ST8SIA6: variants seen among roughly 807,000 people sequenced by gnomAD.
The protein encoded by ST8SIA6 is alpha-2,8-sialyltransferase 8F.
In ST8SIA6, 39 loss-of-function variants were observed where a neutral mutation model predicts 33.6. That is an observed-to-expected ratio of 1.16 (90% CI 0.90 to 1.52). ST8SIA6 has a LOEUF of 1.52. Ranked by LOEUF, ST8SIA6 falls within the 40% of genes most tolerant of loss-of-function variation. The pLI, the probability that ST8SIA6 is intolerant of heterozygous loss-of-function variation, is 0.00. For synonymous variants in ST8SIA6, 172 were observed against 167.2 expected, an observed-to-expected ratio of 1.03 and a Z score of -0.22; for missense variants, 441 against 443.8, an observed-to-expected ratio of 0.99 and a Z score of 0.06.
chr10:17,347,706 C>T (rs777468337), intron 4 of ST8SIA6, among the ~76,000 whole-genome samples: 1 of 152,050 alleles, frequency 6.6e-6, no homozygotes, highest in African/African-American at 2.4e-5. Flanking sequence ...CCTGCCAAAG[C>T]GGGTGGATCA....
chr10:17,348,125 G>A (rs1420908474), intron 4 of ST8SIA6, among the ~76,000 whole-genome samples: 1 of 150,874 alleles, frequency 6.6e-6, no homozygotes, highest in Non-Finnish European at 1.5e-5. Context: ...TTCAATGTGT[G>A]AAGAAGAAAA....
intron 3 of ST8SIA6, among the ~76,000 whole-genome samples, chr10:17,378,620 CA>C (rs1445367821): frequency 1.3e-5 from 2 of 152,136 alleles, no homozygotes; most frequent in African/African-American, 4.8e-5. Flanking sequence ...GCATACCCAA[CA>C]AACAACAAAC....
chr10:17,378,908 T>C (rs61842119), intron 3 of ST8SIA6, among the ~76,000 whole-genome samples: 32,152 of 151,850 alleles, frequency 0.21, 3,633 homozygotes, highest in South Asian at 0.37. Flanking sequence ...GGGCGGATCA[T>C]GAGGTCAGGA....
intron 2 of ST8SIA6, among the ~76,000 whole-genome samples, chr10:17,402,799 T>C (rs1588891616): frequency 6.6e-6 from 1 of 151,996 alleles, no homozygotes; most frequent in African/African-American, 2.4e-5. Flanking sequence ...TGGGGAGGGA[T>C]AGCATTAGGA....
intron 2 of ST8SIA6, among the ~76,000 whole-genome samples, chr10:17,406,910 T>C (rs1221646221): frequency 6.7e-6 from 1 of 149,630 alleles, no homozygotes; most frequent in African/African-American, 2.4e-5. Flanking sequence ...TTCTCCCCCA[T>C]CAGCCTCCCA....
At chr10:17,437,333 T>C (rs1028591324) in intron 2 of ST8SIA6, among the ~76,000 whole-genome samples, 9 of 152,184 alleles carry the variant, frequency 5.9e-5, no homozygotes, top group African/African-American at 2.2e-4. Flanking sequence ...AATTTTATTT[T>C]ATTTTTTAAT....
chr10:17,325,870 A>C (rs1386279532), intron 6 of ST8SIA6, among the ~76,000 whole-genome samples: 2 of 152,178 alleles, frequency 1.3e-5, no homozygotes, highest in African/African-American at 4.8e-5. Flanking sequence ...CTGGGTTTTA[A>C]ATCAAAACTT....
chr10:17,346,186 T>C (rs11254540), intron 4 of ST8SIA6, among the ~76,000 whole-genome samples: 30,111 of 152,186 alleles, frequency 0.2, 3,171 homozygotes, highest in African/African-American at 0.26. Context: ...GTGGCAGCTC[T>C]AGCTGAATTC....
chr10:17,366,896 G>T (rs1026748168), intron 3 of ST8SIA6, among the ~76,000 whole-genome samples: 2 of 152,042 alleles, frequency 1.3e-5, no homozygotes, highest in Non-Finnish European at 2.9e-5. Context: ...AGAGAAAGAG[G>T]GTCCAACTAA....
intron 4 of ST8SIA6, among the ~76,000 whole-genome samples, chr10:17,333,702 T>TAG (rs1564404999): frequency 4.2e-4 from 12 of 28,608 alleles, no homozygotes; most frequent in South Asian, 9.5e-4. Flanking sequence ...TATATATATA[T>TAG]ATATATATAT....
rs947676766 is a variant in ST8SIA6, at chr10:17,448,694, C to A, written c.200+4865G>T. 5.9e-5 allele frequency among the ~76,000 whole-genome samples: 9 copies of A among 152,060 alleles called. No individual in the cohort carries two copies. The East Asian group carries it at 1.5e-3, about 26-fold the overall frequency. On this transcript the variant is annotated intron_variant, in intron 2 of 7. Transcript: ENST00000377602. ...GCAGTGGCACAATCTCGGCTCACTG[C>A]AAGCTCCGCCTCCTGGGTTCACTCC...
intron 3 of ST8SIA6, among the ~76,000 whole-genome samples, chr10:17,361,057 G>A (rs1849370420): frequency 6.6e-6 from 1 of 151,958 alleles, no homozygotes; most frequent in Non-Finnish European, 1.5e-5. Flanking sequence ...GCAAATAAAA[G>A]TAAAAAGAAT....
intron 3 of ST8SIA6, among the ~76,000 whole-genome samples, chr10:17,374,752 AAT>A (rs945167221): frequency 4.1e-5 from 5 of 123,302 alleles, no homozygotes; most frequent in Non-Finnish European, 5.1e-5. Context: ...ATAAATAATA[AAT>A]ATATATATAT....
At chr10:17,371,423 G>A (rs991308777) in intron 3 of ST8SIA6, among the ~76,000 whole-genome samples, 8 of 151,996 alleles carry the variant, frequency 5.3e-5, no homozygotes, top group African/African-American at 1.9e-4. Context: ...GAGAAATGAG[G>A]CCTGAGGATT....
intron 2 of ST8SIA6, among the ~76,000 whole-genome samples, chr10:17,448,010 G>A (rs1311993927): frequency 2.0e-5 from 3 of 151,948 alleles, no homozygotes; most frequent in African/African-American, 7.3e-5. Flanking sequence ...CATGTTGGCT[G>A]GGCTGGTCTC....
intron 4 of ST8SIA6, among the ~76,000 whole-genome samples, chr10:17,349,112 A>G (rs577060747): frequency 1.3e-5 from 2 of 152,204 alleles, no homozygotes; most frequent in African/African-American, 4.8e-5. Flanking sequence ...TAACCTAGAA[A>G]GTTGAAGTTT....
intron 3 of ST8SIA6, chr10:17,387,093 C>T (rs1008209388): frequency 4.6e-5 from 7 of 152,276 alleles, no homozygotes; most frequent in African/African-American, 1.7e-4. Flanking sequence ...CCACGTACGT[C>T]AGCCTCCCTG....
chr10:17,321,185 AG>A lies in ST8SIA6; in HGVS notation c.889del (p.Leu297TyrfsTer8). 1 of 1,614,144 alleles carries A rather than the reference AG, an allele frequency of 6.2e-7. No individual in the cohort carries two copies. Among genetic ancestry groups the A allele is most frequent in the South Asian group, 1.1e-5 (1 of 91,082 alleles). On this transcript the variant is annotated frameshift_variant, in exon 8 of 8. Coordinates refer to ENST00000377602, the MANE Select transcript of ST8SIA6 (RefSeq NM_001004470.3). LOFTEE classifies it high-confidence loss of function. ...LEESKARQKV[L>X]FFHPKYLKDL... Reference sequence around the variant, plus strand: ...TTTCAGGTACTTGGGATGGAAAAATAGAACCTTTTGTCTTGCTTTAGACTCT... The same window carrying A: ...TTTCAGGTACTTGGGATGGAAAAATAAACCTTTTGTCTTGCTTTAGACTCT...
chr10:17,384,653 G>T (rs1418107654), intron 3 of ST8SIA6, among the ~76,000 whole-genome samples: 2 of 151,278 alleles, frequency 1.3e-5, no homozygotes, highest in African/African-American at 4.9e-5. Flanking sequence ...TTTTTTTCCA[G>T]TTTTCCTAAT....
Sources: gnomAD v4.1 joint callset for allele counts (sites outside exome capture counted in the v4.1 genomes callset) on GRCh38, gnomAD v4.1.1 for gene constraint, MANE v1.5 for transcripts, NCBI Gene and HGNC (gene_info 2026-07-23, HGNC 2026-07-21) for gene names.